VPS9D1: variants seen among roughly 807,000 people sequenced by gnomAD.
VPS9D1 encodes VPS9 domain containing 1, also known as VPS9 domain-containing protein 1.
VPS9D1 carries 78 observed loss-of-function variants against 75.8 expected under a neutral mutation model. The ratio of observed to expected loss-of-function variants is 1.03; its 90% CI spans 0.86 to 1.24. VPS9D1 has a LOEUF of 1.24. VPS9D1 is among the 50% of genes most tolerant of loss of function. The pLI is 0.00. For synonymous variants in VPS9D1, 481 were observed against 385.6 expected (o/e 1.25, Z -2.90); for missense variants, 1,057 against 847.7 (o/e 1.25, Z -3.07).
rs1262227635 is a variant in VPS9D1, at chr16:89,709,384, G to T, written c.1440C>A (p.Tyr480Ter). 2 of 1,553,740 alleles carry T rather than the reference G, an allele frequency of 1.3e-6. No homozygotes were observed. The highest frequency in any genetic ancestry group is 2.7e-5 in the African/African-American group (2 of 73,382). ...CAATGGCGGTGGGGGGTGCATTCCT[G>T]TAGAGCTCCATGCTCCTGCTCAGGG... is the stretch of plus-strand genomic sequence containing the variant. ...EAALSRSMEL[Y>*]RNAPPTAIGI... The change falls in exon 12 of 15, where the codon TAC becomes TAA. Residue 480 changes from tyrosine (Y) to a stop codon, truncating the protein, a stop_gained. Coordinates refer to ENST00000389386, the MANE Select transcript of VPS9D1 (RefSeq NM_004913.3). LOFTEE classifies it high-confidence loss of function.
chr16:89,709,552 G>T, intron 11 of VPS9D1, 117 bp from the exon 12 acceptor site: 1 of 1,312,810 alleles, frequency 7.6e-7, no homozygotes. Flanking sequence ...CAAGCAAAAA[G>T]CCCCAGCGTT....
At chr16:89,711,158 G>A in intron 9 of VPS9D1, 148 bp from the exon 10 acceptor site, 1 of 1,187,282 alleles carries the variant, frequency 8.4e-7, no homozygotes. Context: ...CCCCGCTGGG[G>A]AGGTTGGAGA....
intron 4 of VPS9D1, among the ~76,000 whole-genome samples, chr16:89,713,769 G>T (rs1185401479): frequency 6.6e-6 from 1 of 151,654 alleles, no homozygotes; most frequent in African/African-American, 2.4e-5. Context: ...AGCACTTTGG[G>T]AGGATGAGGC....
At chr16:89,710,481 C>T in intron 10 of VPS9D1, 105 bp downstream of exon 10, 1 of 1,279,834 alleles carries the variant, frequency 7.8e-7, no homozygotes, top group South Asian at 1.5e-5. Context: ...TAAGTCTGAT[C>T]AGAGTCTCTG....
chr16:89,708,738 TGCTTCTACA>T (rs2060846126), intron 13 of VPS9D1, 110 bp downstream of exon 13: 6 of 1,222,500 alleles, frequency 4.9e-6, no homozygotes, highest in Non-Finnish European at 5.6e-6. Flanking sequence ...ACGGCCCTCC[TGCTTCTACA>T]GTGCAGCCAG....
chr16:89,711,255 G>C (rs577128585), intron 9 of VPS9D1, 72 bp downstream of exon 9: 1 of 1,487,710 alleles, frequency 6.7e-7, no homozygotes, highest in African/African-American at 1.4e-5. Flanking sequence ...GCCCCTCTCC[G>C]GCACCTGGCA....
At chr16:89,708,803 T>A (rs1364064349) in intron 13 of VPS9D1, 54 bp downstream of exon 13, 1 of 1,491,950 alleles carries the variant, frequency 6.7e-7, no homozygotes, top group East Asian at 2.4e-5. Context: ...CCCGTGACCA[T>A]TGCCTTTCTA....
intron 6 of VPS9D1, 107 bp downstream of exon 6, chr16:89,712,352 AC>A: frequency 6.6e-7 from 1 of 1,519,600 alleles, no homozygotes; most frequent in Non-Finnish European, 8.9e-7. Flanking sequence ...TCGGCCCTGT[AC>A]CCCGACCCCG....
intron 4 of VPS9D1, among the ~76,000 whole-genome samples, chr16:89,715,875 C>G (rs2061052605): frequency 6.6e-6 from 1 of 151,534 alleles, no homozygotes; most frequent in African/African-American, 2.4e-5. Flanking sequence ...CGGGGTTTTA[C>G]CATGTTGGCC....
chr16:89,708,582 C>T (rs369107338), intron 13 of VPS9D1, 51 bp from the exon 14 acceptor site: 75 of 1,559,886 alleles, frequency 4.8e-5, no homozygotes, highest in Non-Finnish European at 5.9e-5. Flanking sequence ...CCTCTCACTC[C>T]GCAAACCCAG....
In VPS9D1 at chr16:89,718,412, C is replaced by A. The variant is rs532126696; in HGVS notation, c.175+615G>T. Among the ~76,000 whole-genome samples, 9 of 152,316 alleles carry A rather than the reference C, an allele frequency of 5.9e-5. No homozygotes were observed. The South Asian group carries it at 1.9e-3, about 32-fold the overall frequency. Reference sequence around the variant, plus strand: ...CACCCAAGGCATGCACACAGCCCCACCCCGCCCACTCCTATTTCAGGGCCT... The same window carrying A: ...CACCCAAGGCATGCACACAGCCCCAACCCGCCCACTCCTATTTCAGGGCCT... On this transcript the variant is annotated intron_variant, in intron 2 of 14. Transcript: ENST00000389386.
chr16:89,708,295 T>A (rs2060834864), intron 14 of VPS9D1, 132 bp downstream of exon 14: 1 of 877,830 alleles, frequency 1.1e-6, no homozygotes, highest in Admixed American at 2.3e-5. Flanking sequence ...CCACAGGGGC[T>A]GCCCGAAGGC....
At chr16:89,720,238 G>A (rs2061214346) in intron 1 of VPS9D1, among the ~76,000 whole-genome samples, 2 of 152,262 alleles carry the variant, frequency 1.3e-5, no homozygotes, top group African/African-American at 4.8e-5. Flanking sequence ...GTGTGGCTGG[G>A]CCAGCTTCTC....
chr16:89,713,643 G>A (rs567487447), intron 4 of VPS9D1, among the ~76,000 whole-genome samples: 3 of 152,248 alleles, frequency 2.0e-5, no homozygotes, highest in African/African-American at 7.2e-5. Flanking sequence ...TCTTGTTAAA[G>A]CAAGCTTGTG....
chr16:89,720,415 G>A, intron 1 of VPS9D1: 1 of 1,019,416 alleles, frequency 9.8e-7, no homozygotes, highest in Non-Finnish European at 1.2e-6. Context: ...TACCATCTCT[G>A]CCCAGAAAAA....
chr16:89,711,575 A>G, intron 8 of VPS9D1, 163 bp from the exon 9 acceptor site: 3 of 314,970 alleles, frequency 9.5e-6, no homozygotes, highest in South Asian at 7.4e-5. Flanking sequence ...CCCCACCCAC[A>G]CCCGAGGGAA....
Position 89,711,905 on chromosome 16 carries a change from TGGC to T in VPS9D1, c.721_723del (p.Ala241del). 6.4e-7 allele frequency: 1 copy of T among 1,551,310 alleles called. No individual in the cohort carries two copies. The highest frequency in any genetic ancestry group is 8.7e-7 in the Non-Finnish European group (1 of 1,147,056). On this transcript the variant is annotated inframe_deletion, in exon 8 of 15. Coordinates refer to ENST00000389386, the MANE Select transcript of VPS9D1 (RefSeq NM_004913.3). ...ACATGGTCCTGTTCGTACTCCAGGA[TGGC>T]GGCGTAAAGGGCCCGCTGCTCCCGT...
chr16:89,711,654 G>C (rs1023860065), intron 8 of VPS9D1: 3 of 618,210 alleles, frequency 4.9e-6, no homozygotes, highest in Non-Finnish European at 7.9e-6. Context: ...CTCCCTCCTC[G>C]CTGGGACCCT....
At position 89,712,567 on chromosome 16, in the gene VPS9D1, GCCCACGCACCCCCAGGCCCTCCCTAGCC is replaced by G; in HGVS notation, c.543+10_543+37del. On this transcript the variant is annotated intron_variant, in intron 5 of 14. Coordinates refer to ENST00000389386, the MANE Select transcript of VPS9D1 (RefSeq NM_004913.3). The stretch of plus-strand genomic sequence containing the variant: ...TAAGGCCGACTCCCCTCTGCCCCGC[GCCCACGCACCCCCAGGCCCTCCCTAGCC>G]CCCACTCACCAGGGATGTCTTCTGC... 1 of 1,607,694 alleles carries G rather than the reference GCCCACGCACCCCCAGGCCCTCCCTAGCC, an allele frequency of 6.2e-7. No individual in the cohort carries two copies. The highest frequency in any genetic ancestry group is 8.5e-7 in the Non-Finnish European group (1 of 1,178,170).
Sources: allele counts gnomAD v4.1 joint callset (sites outside exome capture counted in the v4.1 genomes callset), GRCh38; gene constraint gnomAD v4.1.1; transcripts MANE v1.5; gene names NCBI Gene and HGNC (gene_info 2026-07-23, HGNC 2026-07-21).